The following FMN2 variants were observed in gnomAD, a reference collection of about 807,000 sequenced individuals.
FMN2 encodes formin-2.
A neutral mutation model predicts 142.3 loss-of-function variants in FMN2; 51 were observed. That is an observed-to-expected ratio of 0.36 (90% CI 0.29 to 0.45). The LOEUF (loss-of-function observed/expected upper bound fraction) is 0.45, where lower values mean the gene tolerates loss of function less well. FMN2 is among the 20% of genes least tolerant of loss of function. The pLI, the probability that FMN2 is intolerant of heterozygous loss-of-function variation, is 1.00. For missense variants in FMN2, 1,936 were observed against 2,122.8 expected, an observed-to-expected ratio of 0.91 and a Z score of 1.73; for synonymous variants, 882 against 869.8, an observed-to-expected ratio of 1.01 and a Z score of -0.25.
At chr1:240,416,549 C>T (rs905210678) in intron 15 of FMN2, among the ~76,000 whole-genome samples, 4 of 152,156 alleles carry the variant, frequency 2.6e-5, no homozygotes, top group Non-Finnish European at 4.4e-5. Context: ...GGATTACAGG[C>T]GTGAGCCACC....
chr1:240,287,781 C>G (rs1243483165), intron 7 of FMN2, among the ~76,000 whole-genome samples: 1 of 152,140 alleles, frequency 6.6e-6, no homozygotes, highest in East Asian at 1.9e-4. Flanking sequence ...CTGCATTTGA[C>G]TTTTATTATT....
intron 15 of FMN2, among the ~76,000 whole-genome samples, chr1:240,427,102 G>C (rs1674968135): frequency 6.6e-6 from 1 of 151,302 alleles, no homozygotes; most frequent in African/African-American, 2.4e-5. Flanking sequence ...AAATGATTAG[G>C]CCCTAATATC....
At chr1:240,159,145 G>A (rs992842725) in intron 2 of FMN2, among the ~76,000 whole-genome samples, 10 of 151,600 alleles carry the variant, frequency 6.6e-5, no homozygotes, top group Admixed American at 3.9e-4. Context: ...ATTTTAATTG[G>A]TTTGCTTGTC....
chr1:240,256,666 A>C (rs974521950), intron 6 of FMN2, among the ~76,000 whole-genome samples: 2 of 151,754 alleles, frequency 1.3e-5, no homozygotes, highest in Non-Finnish European at 2.9e-5. Context: ...CACGAGACTC[A>C]CTTGAACTCA....
In FMN2 at chr1:240,386,182, AG is replaced by A. The variant is rs143419019; in HGVS notation, c.4859-6328del. ...GACTTTTAGTTCATTGTCAAAAGGA[AG>A]AGTGTGTCAAAAATCTCAAAACTAA... is the stretch of plus-strand genomic sequence containing the variant. On this transcript the variant is annotated intron_variant, in intron 14 of 17. Transcript: ENST00000319653. Among the ~76,000 whole-genome samples the A allele has an allele frequency of 3.8e-3, 582 of 152,306 alleles. 10 individuals carry two copies. The East Asian group carries it at 0.066, about 17-fold the overall frequency.
chr1:240,467,867 A>G (rs918686158), intron 16 of FMN2, among the ~76,000 whole-genome samples: 2 of 152,228 alleles, frequency 1.3e-5, no homozygotes, highest in Admixed American at 1.3e-4. Context: ...TATAGCCATT[A>G]TCTACCATTT....
chr1:240,134,279 G>A (rs1329655248), intron 2 of FMN2, among the ~76,000 whole-genome samples: 1 of 152,128 alleles, frequency 6.6e-6, no homozygotes, highest in Non-Finnish European at 1.5e-5. Context: ...AATCTATTCA[G>A]TGAATTGTCT....
At chr1:240,347,230 C>T (rs111954636) in intron 13 of FMN2, among the ~76,000 whole-genome samples, 4 of 152,284 alleles carry the variant, frequency 2.6e-5, no homozygotes, top group African/African-American at 7.2e-5. Context: ...ATGTGGAAAG[C>T]GTATACCATC....
chr1:240,277,525 C>CTTTTTTTTTTTT (rs34678861), intron 7 of FMN2, among the ~76,000 whole-genome samples: 3 of 66,144 alleles, frequency 4.5e-5, no homozygotes, highest in African/African-American at 6.5e-5. Context: ...GCATCTTCTT[C>CTTTTTTTTTTTT]TTTTTTTTTT....
intron 3 of FMN2, chr1:240,180,181 G>T: frequency 7.8e-7 from 1 of 1,280,752 alleles, no homozygotes; most frequent in South Asian, 1.3e-5. Flanking sequence ...GATGATGGAG[G>T]TAAGAAGTAA....
At chr1:240,109,290 T>G (rs901883283) in intron 1 of FMN2, among the ~76,000 whole-genome samples, 2 of 152,230 alleles carry the variant, frequency 1.3e-5, no homozygotes, top group Non-Finnish European at 2.9e-5. Flanking sequence ...CTAAGATTTC[T>G]TCTGGCTCTA....
intron 7 of FMN2, among the ~76,000 whole-genome samples, chr1:240,268,800 A>T (rs1204519320): frequency 6.6e-6 from 1 of 151,914 alleles, no homozygotes; most frequent in Admixed American, 6.6e-5. Flanking sequence ...CTGATTAGTG[A>T]TGTAGAGCAT....
intron 2 of FMN2, among the ~76,000 whole-genome samples, chr1:240,172,023 G>C (rs1398740435): frequency 2.6e-5 from 4 of 152,128 alleles, no homozygotes; most frequent in Non-Finnish European, 1.5e-5. Flanking sequence ...ACTGTGATTT[G>C]CTCTGTTAAA....
intron 14 of FMN2, among the ~76,000 whole-genome samples, chr1:240,374,196 G>A (rs1317890412): frequency 6.6e-6 from 1 of 152,160 alleles, no homozygotes; most frequent in Non-Finnish European, 1.5e-5. Flanking sequence ...TCCAGGCTTT[G>A]TTCTTCCATT....
At chr1:240,256,181 A>G (rs1668444247) in intron 6 of FMN2, among the ~76,000 whole-genome samples, 1 of 152,124 alleles carries the variant, frequency 6.6e-6, no homozygotes. Context: ...GTGGTTACAA[A>G]CTGGTTTTCA....
At chr1:240,123,442 A>G (rs2103219785) in intron 2 of FMN2, 97 bp downstream of exon 2, 2 of 1,288,416 alleles carry the variant, frequency 1.6e-6, no homozygotes, top group Non-Finnish European at 2.1e-6. Flanking sequence ...ATTTAAAAAC[A>G]ACATGTGATT....
At chr1:240,153,386 T>G (rs966934460) in intron 2 of FMN2, among the ~76,000 whole-genome samples, 2 of 24,284 alleles carry the variant, frequency 8.2e-5, no homozygotes, top group Non-Finnish European at 1.9e-4. Flanking sequence ...GTATTTACAG[T>G]TTTTTTTTTT....
intron 2 of FMN2, chr1:240,143,541 G>A (rs769238979): frequency 6.3e-6 from 10 of 1,595,756 alleles, no homozygotes; most frequent in Admixed American, 1.7e-5. Flanking sequence ...CGCTGCAAAC[G>A]TGGAGCAGCT....
At chr1:240,430,842 T>C (rs1675145100) in intron 15 of FMN2, among the ~76,000 whole-genome samples, 1 of 152,108 alleles carries the variant, frequency 6.6e-6, no homozygotes, top group African/African-American at 2.4e-5. Flanking sequence ...ACTCTATTAA[T>C]GTAGCTTTAT....
Sources: gnomAD v4.1 joint callset for allele counts (sites outside exome capture counted in the v4.1 genomes callset) on GRCh38, gnomAD v4.1.1 for gene constraint, MANE v1.5 for transcripts, NCBI Gene and HGNC (gene_info 2026-07-23, HGNC 2026-07-21) for gene names.